The following CATSPERG variants were observed in gnomAD, a reference collection of about 807,000 sequenced individuals.
CATSPERG encodes catsper channel auxiliary subunit gamma, also known as cation channel sperm-associated auxiliary subunit gamma.
A neutral mutation model predicts 145.0 loss-of-function variants in CATSPERG; 115 were observed. The observed-to-expected ratio is 0.79, with a 90% confidence interval of 0.68 to 0.93. CATSPERG has a LOEUF of 0.93. Among genes scored for constraint, CATSPERG ranks in the 40% least tolerant of loss-of-function variants. The pLI, the probability that CATSPERG is intolerant of heterozygous loss-of-function variation, is 0.00. For synonymous variants in CATSPERG, 588 were observed against 589.0 expected, an observed-to-expected ratio of 1.00 and a Z score of 0.02; for missense variants, 1,296 against 1,490.1, an observed-to-expected ratio of 0.87 and a Z score of 2.14.
chr19:38,360,620 C>A lies in CATSPERG; in HGVS notation c.1740C>A (p.Leu580=). ...LYASNETMLT[L]FYEDSKLYQL... is the part of the protein sequence containing the mutation. ...CATCCAATGAGACCATGCTGACCCT[C>A]TTCTACGAAGACAGCAAACTGTACC... The change falls in exon 15 of 29, where the codon CTC becomes CTA. Residue 580 remains leucine, a synonymous_variant. Transcript: ENST00000409235. The A allele has an allele frequency of 6.2e-7, 1 of 1,614,248 alleles. No homozygotes were observed.
Position 38,364,970 on chromosome 19 carries a change from A to G in CATSPERG, c.2555A>G (p.Asn852Ser), listed in dbSNP as rs761256917. 2 of 1,614,046 alleles carry G rather than the reference A, an allele frequency of 1.2e-6. No individual in the cohort carries two copies. The highest frequency in any genetic ancestry group is 1.7e-5 in the Admixed American group (1 of 60,020). ...HHLMETSMTV[N>S]VVGSSGLCFQ... The stretch of plus-strand genomic sequence containing the variant: ...CTTATGGAGACTTCCATGACGGTCA[A>G]TGTGAGGTCCAAGCCTGGAGGGGAG... The change falls in exon 21 of 29, where the codon AAT becomes AGT. Residue 852 changes from asparagine to serine, a missense_variant and splice_region_variant. Transcript: ENST00000409235.
chr19:38,352,994 C>T (rs1970171944), intron 8 of CATSPERG, among the ~76,000 whole-genome samples: 1 of 146,590 alleles, frequency 6.8e-6, no homozygotes, highest in Non-Finnish European at 1.5e-5. Flanking sequence ...CACCACTGCA[C>T]TCCAGCCTGG....
At chr19:38,336,197 G>A (rs1211026539) in intron 1 of CATSPERG, 1 of 456,648 alleles carries the variant, frequency 2.2e-6, no homozygotes, top group South Asian at 1.5e-5. Flanking sequence ...CGAGGGGAAG[G>A]TGAGACTCAA....
At chr19:38,351,155 A>G (rs996188248) in intron 7 of CATSPERG, among the ~76,000 whole-genome samples, 1 of 152,176 alleles carries the variant, frequency 6.6e-6, no homozygotes, top group African/African-American at 2.4e-5. Context: ...CTACCACCCC[A>G]ACAAAGCCAA....
Position 38,365,113 on chromosome 19 carries a change from T to A in CATSPERG, c.2609T>A (p.Met870Lys), listed in dbSNP as rs1970426151. Residue 870 changes from methionine (M) to lysine (K), a missense_variant, in exon 22 of 29, where the codon ATG becomes AAG. Physicochemically the swap from Met to Lys is moderately conservative, Grantham distance 95 (BLOSUM62 -1). Coordinates refer to ENST00000409235, the MANE Select transcript of CATSPERG (RefSeq NM_021185.5). ...CAGGAAACACACCTGGGGCCCCATA[T>A]GCAAGTATTGGAGCTTGGGATACTG... ...CFQETHLGPHMQGNLMVPVFI... is the reference protein window; with the variant it reads ...CFQETHLGPHKQGNLMVPVFI... The A allele has an allele frequency of 6.2e-7, 1 of 1,613,494 alleles. No individual in the cohort carries two copies. The highest frequency in any genetic ancestry group is 2.2e-5 in the East Asian group (1 of 44,878).
At chr19:38,337,109 C>A (rs1181223972) in intron 1 of CATSPERG, 112 bp from the exon 2 acceptor site, 2 of 1,307,674 alleles carry the variant, frequency 1.5e-6, no homozygotes, top group Non-Finnish European at 2.1e-6. Context: ...GAGCAAGAGC[C>A]GGGGCGTGGC....
Position 38,337,292 on chromosome 19 carries a change from C to T in CATSPERG, c.58C>T (p.Gln20Ter), listed in dbSNP as rs1446412517. The T allele has an allele frequency of 7.7e-6, 12 of 1,551,540 alleles. No homozygotes were observed. Among genetic ancestry groups the T allele is most frequent in the Non-Finnish European group, 8.7e-6 (10 of 1,147,010 alleles). ...TCCGTGGCCCAGAGTCCGAGTCGTG[C>T]AGGTGCTGTGGGCCCTGCTGGCAGT... ...GPPWPRVRVVQVLWALLAVLL... is the reference protein window; with the variant it reads ...GPPWPRVRVV Residue 20 changes from glutamine to a stop codon, truncating the protein, a stop_gained, in exon 2 of 29, where the codon CAG (glutamine) becomes TAG (stop). Transcript: ENST00000409235. LOFTEE classifies it high-confidence loss of function.
intron 20 of CATSPERG, among the ~76,000 whole-genome samples, chr19:38,364,290 C>A (rs953101549): frequency 6.6e-6 from 1 of 151,750 alleles, no homozygotes; most frequent in East Asian, 1.9e-4. Context: ...TCAGACAGGG[C>A]GGCTGGGCAG....
At chr19:38,344,870 CACACACACACACATATAT>C (rs1456818491) in intron 6 of CATSPERG, among the ~76,000 whole-genome samples, 6,628 of 111,792 alleles carry the variant, frequency 0.059, 577 homozygotes, top group South Asian at 0.1. Flanking sequence ...CACACACACA[CACACACACACACATATAT>C]ATATATATAT....
chr19:38,358,646 A>G, intron 13 of CATSPERG, 85 bp downstream of exon 13: 1 of 1,536,220 alleles, frequency 6.5e-7, no homozygotes, highest in Non-Finnish European at 9.0e-7. Context: ...AGCCCAGGCT[A>G]GGCAAGTCTC....
chr19:38,354,556 G>A (rs1970209510), intron 8 of CATSPERG, among the ~76,000 whole-genome samples, 154 bp from the exon 9 acceptor site: 2 of 152,186 alleles, frequency 1.3e-5, no homozygotes, highest in African/African-American at 4.8e-5. Context: ...GGCAGCGGGT[G>A]CCCTCTGCCA....
In CATSPERG at chr19:38,335,850, G is replaced by A; in HGVS notation, c.-40G>A. On this transcript the variant is annotated 5_prime_UTR_variant, in exon 1 of 29. Coordinates refer to ENST00000409235, the MANE Select transcript of CATSPERG (RefSeq NM_021185.5). ...GCGGGACTGGTGCGGCCGAGTGACA[G>A]TTGACCGGTTTTAACCAAGTGACTG... The A allele has an allele frequency of 4.7e-6, 1 of 213,598 alleles. No individual in the cohort carries two copies. Among genetic ancestry groups the A allele is most frequent in the Non-Finnish European group, 9.7e-6 (1 of 102,766 alleles). 13.2% of individuals were successfully genotyped at this position (213,598 alleles called of 1,614,324 possible). A position where few individuals can be genotyped will look rare whatever the true frequency, so the allele number is the denominator to read the frequency against.
Position 38,344,356 on chromosome 19 carries a change from T to C in CATSPERG, c.657T>C (p.Thr219=), listed in dbSNP as rs1267797942. The change falls in exon 6 of 29, where the codon ACT becomes ACC. Residue 219 remains threonine (T), a synonymous_variant. Transcript: ENST00000409235. ...ACCGGGACAATAACATCCAATTCAC[T>C]GTGGGAGAGGAGGTGAGGGAATATG... The part of the protein sequence containing the change: ...KRDRDNNIQF[T]VGEELFNLMP... 1.3e-6 allele frequency: 2 copies of C among 1,551,628 alleles called. No individual in the cohort carries two copies. The highest frequency in any genetic ancestry group is 1.4e-5 in the African/African-American group (1 of 73,110).
chr19:38,361,144 G>C (rs1970337420), intron 16 of CATSPERG, among the ~76,000 whole-genome samples: 1 of 152,156 alleles, frequency 6.6e-6, no homozygotes, highest in Non-Finnish European at 1.5e-5. Flanking sequence ...CCTGTGCAGA[G>C]GCCCTGATGG....
intron 3 of CATSPERG, among the ~76,000 whole-genome samples, chr19:38,342,103 C>T (rs1371175077): frequency 1.4e-5 from 2 of 144,832 alleles, no homozygotes; most frequent in African/African-American, 2.5e-5. Context: ...AAGCCAGGTG[C>T]AGTGGCTTAC....
chr19:38,364,861 A>G (rs538879521), intron 20 of CATSPERG, 30 bp from the exon 21 acceptor site: 2 of 1,574,722 alleles, frequency 1.3e-6, no homozygotes, highest in Non-Finnish European at 1.7e-6. Context: ...TCACCCCTTC[A>G]TTTCTGCCTC....
intron 7 of CATSPERG, among the ~76,000 whole-genome samples, chr19:38,350,144 C>G (rs755970711): frequency 6.6e-6 from 1 of 152,150 alleles, no homozygotes; most frequent in Non-Finnish European, 1.5e-5. Flanking sequence ...CACTGACATT[C>G]CACTAGTGAG....
At chr19:38,347,669 A>C (rs1970063080) in intron 7 of CATSPERG, among the ~76,000 whole-genome samples, 2 of 152,216 alleles carry the variant, frequency 1.3e-5, no homozygotes, top group Non-Finnish European at 2.9e-5. Flanking sequence ...CAGCCGGTGC[A>C]GTGGCTCACG....
At chr19:38,346,320 G>A in intron 6 of CATSPERG, 130 bp from the exon 7 acceptor site, 1 of 761,226 alleles carries the variant, frequency 1.3e-6, no homozygotes, top group Non-Finnish European at 2.0e-6. Context: ...GGTAAGGAAT[G>A]AGGTCAAGGA....
Sources: gnomAD v4.1 joint callset for allele counts (sites outside exome capture counted in the v4.1 genomes callset) on GRCh38, gnomAD v4.1.1 for gene constraint, MANE v1.5 for transcripts, NCBI Gene and HGNC (gene_info 2026-07-23, HGNC 2026-07-21) for gene names.